Variants in SV2C observed in about 807,000 individuals in gnomAD.
The protein encoded by SV2C is synaptic vesicle glycoprotein 2C.
A neutral mutation model predicts 79.7 loss-of-function variants in SV2C; 49 were observed. That is an observed-to-expected ratio of 0.61 (90% CI 0.49 to 0.78). The LOEUF (loss-of-function observed/expected upper bound fraction) is 0.78, where lower values mean the gene tolerates loss of function less well. SV2C is among the 30% of genes least tolerant of loss of function. The probability of loss-of-function intolerance (pLI) is 0.00; values close to 1 mark genes in which losing one functional copy is unlikely to be tolerated. For synonymous variants in SV2C, 334 were observed against 333.2 expected (o/e 1.00, Z -0.03); for missense variants, 833 against 912.9 (o/e 0.91, Z 1.13).
chr5:75,916,453 C>G, the SV2C span, among the ~76,000 whole-genome samples: 1 of 150,150 alleles, frequency 6.7e-6, no homozygotes, highest in Non-Finnish European at 1.5e-5. Context: ...TCTCCTCCTC[C>G]TCCTTCTCTT....
chr5:76,120,734 A>G (rs1210721103), intron 1 of SV2C, among the ~76,000 whole-genome samples: 1 of 150,314 alleles, frequency 6.7e-6, no homozygotes, highest in East Asian at 1.9e-4. Context: ...TCCATGGTGT[A>G]TATGTGCCAC....
chr5:75,892,344 G>T, the SV2C span, among the ~76,000 whole-genome samples: 1 of 151,864 alleles, frequency 6.6e-6, no homozygotes, highest in East Asian at 1.9e-4. Flanking sequence ...TGTATCTAGG[G>T]TGTTTGCCAC....
the SV2C span, among the ~76,000 whole-genome samples, chr5:76,006,586 AC>A: frequency 4.6e-5 from 7 of 152,034 alleles, no homozygotes; most frequent in African/African-American, 1.7e-4. Context: ...TTATGATCTG[AC>A]CCCAGTCTGC....
At chr5:76,189,335 T>C (rs1213864281) in intron 2 of SV2C, among the ~76,000 whole-genome samples, 4 of 152,120 alleles carry the variant, frequency 2.6e-5, no homozygotes, top group Non-Finnish European at 4.4e-5. Flanking sequence ...TGGTCTTCCC[T>C]TGGCTTCCTA....
intron 4 of SV2C, among the ~76,000 whole-genome samples, chr5:76,255,923 T>C (rs1746250089): frequency 6.6e-6 from 1 of 152,194 alleles, no homozygotes; most frequent in African/African-American, 2.4e-5. Flanking sequence ...ACAATCTCCA[T>C]AGAAAGGAAA....
At chr5:76,003,679 T>G in the SV2C span, among the ~76,000 whole-genome samples, 1 of 152,126 alleles carries the variant, frequency 6.6e-6, no homozygotes. Flanking sequence ...GATTAAGTAA[T>G]GAGCCCTTCA....
At chr5:75,880,858 G>T in the SV2C span, among the ~76,000 whole-genome samples, 1 of 152,158 alleles carries the variant, frequency 6.6e-6, no homozygotes, top group African/African-American at 2.4e-5. Context: ...AGAAATACCT[G>T]AGGCTGGGTA....
the SV2C span, among the ~76,000 whole-genome samples, chr5:76,001,748 C>T: frequency 1.3e-5 from 2 of 152,130 alleles, no homozygotes; most frequent in Non-Finnish European, 2.9e-5. Flanking sequence ...ACTGGAGTTC[C>T]TCTTGAGCTT....
chr5:75,862,026 C>T, the SV2C span, among the ~76,000 whole-genome samples: 2 of 152,092 alleles, frequency 1.3e-5, no homozygotes, highest in African/African-American at 2.4e-5. Flanking sequence ...TATTTACTTC[C>T]ATCTCTCATA....
chr5:76,213,679 A>G (rs1221040789), intron 4 of SV2C, among the ~76,000 whole-genome samples: 1 of 152,198 alleles, frequency 6.6e-6, no homozygotes, highest in Non-Finnish European at 1.5e-5. Context: ...ATATGTGTAC[A>G]TTGTGAAATG....
intron 4 of SV2C, among the ~76,000 whole-genome samples, chr5:76,213,815 T>C (rs1367589564): frequency 6.6e-6 from 1 of 152,144 alleles, no homozygotes; most frequent in Non-Finnish European, 1.5e-5. Flanking sequence ...GAATATTAGA[T>C]CTCCAGAACT....
intron 4 of SV2C, among the ~76,000 whole-genome samples, chr5:76,226,584 G>A (rs939676477): frequency 3.9e-5 from 6 of 152,208 alleles, no homozygotes; most frequent in African/African-American, 1.4e-4. Flanking sequence ...TGTCCATTTG[G>A]TAAGTACATG....
intron 4 of SV2C, among the ~76,000 whole-genome samples, chr5:76,272,855 T>C (rs1561293311): frequency 1.3e-5 from 2 of 152,152 alleles, no homozygotes; most frequent in African/African-American, 4.8e-5. Flanking sequence ...GCATAATTGA[T>C]TTGTTATTAT....
chr5:76,069,488 C>G, the SV2C span, among the ~76,000 whole-genome samples: 1 of 151,588 alleles, frequency 6.6e-6, no homozygotes, highest in African/African-American at 2.4e-5. Context: ...TGTACAGGGC[C>G]CCTCCGCTCA....
chr5:76,094,486 A>G (rs1338119004), intron 1 of SV2C, among the ~76,000 whole-genome samples: 1 of 152,114 alleles, frequency 6.6e-6, no homozygotes, highest in Non-Finnish European at 1.5e-5. Context: ...TTTTTTGTGT[A>G]TCAATAGTCA....
the SV2C span, among the ~76,000 whole-genome samples, chr5:75,965,551 G>C: frequency 2.6e-5 from 4 of 152,134 alleles, no homozygotes; most frequent in African/African-American, 7.2e-5. Flanking sequence ...ATCTGCCAGT[G>C]TTTTGATCTT....
At chr5:76,344,771 T>C (rs1015876505) in intron 12 of SV2C, among the ~76,000 whole-genome samples, 1 of 152,006 alleles carries the variant, frequency 6.6e-6, no homozygotes, top group Non-Finnish European at 1.5e-5. Flanking sequence ...TTTTAAATAA[T>C]TTAAATTAAA....
chr5:75,848,420 G>A, the SV2C span, among the ~76,000 whole-genome samples: 1 of 152,180 alleles, frequency 6.6e-6, no homozygotes, highest in East Asian at 1.9e-4. Flanking sequence ...GCTTCCTTAG[G>A]ACTCAGAAAC....
the SV2C span, among the ~76,000 whole-genome samples, chr5:75,853,835 T>C: frequency 0.026 from 3,998 of 151,702 alleles, 172 homozygotes; most frequent in African/African-American, 0.092. Flanking sequence ...CATTTGTCAG[T>C]CTTTAAAAAT....
Sources: gnomAD v4.1 joint callset for allele counts (sites outside exome capture counted in the v4.1 genomes callset) on GRCh38, gnomAD v4.1.1 for gene constraint, MANE v1.5 for transcripts, NCBI Gene and HGNC (gene_info 2026-07-23, HGNC 2026-07-21) for gene names.